EYS: variants seen among roughly 807,000 people sequenced by gnomAD.
The protein encoded by EYS is protein eyes shut homolog.
In EYS, 250 loss-of-function variants were observed where a neutral mutation model predicts 282.1. The observed-to-expected ratio is 0.89, with a 90% CI of 0.80 to 0.98. EYS has a LOEUF of 0.98. Ranked by LOEUF, EYS falls within the 50% of genes least tolerant of loss-of-function variation. EYS has a pLI of 0.00. For missense variants in EYS, 4,016 were observed against 3,709.0 expected, an observed-to-expected ratio of 1.08 and a Z score of -2.15; for synonymous variants, 1,355 against 1,282.9, an observed-to-expected ratio of 1.06 and a Z score of -1.20.
At chr6:64,333,993 C>T (rs1770743169) in intron 29 of EYS, among the ~76,000 whole-genome samples, 1 of 152,172 alleles carries the variant, frequency 6.6e-6, no homozygotes, top group African/African-American at 2.4e-5. Context: ...AAGTGTTTAG[C>T]TATTAAGGAA....
intron 37 of EYS, among the ~76,000 whole-genome samples, chr6:63,803,727 A>G (rs1380760914): frequency 6.6e-6 from 1 of 152,190 alleles, no homozygotes; most frequent in Non-Finnish European, 1.5e-5. Flanking sequence ...AATACTGATT[A>G]TGGTCAGACA....
intron 33 of EYS, among the ~76,000 whole-genome samples, chr6:64,046,600 GAGGGAGA>G (rs945411034): frequency 3.3e-5 from 5 of 151,132 alleles, no homozygotes; most frequent in African/African-American, 9.7e-5. Flanking sequence ...TCTTTTTACT[GAGGGAGA>G]AACAGTGTCC....
intron 2 of EYS, among the ~76,000 whole-genome samples, chr6:65,512,286 A>T (rs1350212691): frequency 6.6e-6 from 1 of 151,970 alleles, no homozygotes; most frequent in African/African-American, 2.4e-5. Context: ...AGGTCAGGAG[A>T]TCGAGACCAT....
chr6:64,096,824 T>C (rs138805224), intron 31 of EYS, among the ~76,000 whole-genome samples: 87 of 152,354 alleles, frequency 5.7e-4, no homozygotes, highest in African/African-American at 1.8e-3. Flanking sequence ...GGAGGAGAGC[T>C]GCTCTGGTTT....
At chr6:64,610,545 T>C (rs1767082523) in intron 24 of EYS, among the ~76,000 whole-genome samples, 1 of 151,730 alleles carries the variant, frequency 6.6e-6, no homozygotes. Flanking sequence ...TTGGGATTAC[T>C]GACAGCCACT....
intron 12 of EYS, among the ~76,000 whole-genome samples, chr6:65,200,092 A>G (rs952735997): frequency 7.2e-5 from 11 of 152,158 alleles, no homozygotes; most frequent in Non-Finnish European, 2.9e-5. Context: ...AAAGACAGGA[A>G]AGAATTGTGA....
At chr6:64,525,922 C>T (rs1730871316) in intron 26 of EYS, among the ~76,000 whole-genome samples, 1 of 151,668 alleles carries the variant, frequency 6.6e-6, no homozygotes, top group African/African-American at 2.4e-5. Context: ...TGTACACAAT[C>T]TTTATGGTAG....
intron 22 of EYS, among the ~76,000 whole-genome samples, chr6:64,654,923 G>A (rs1768693441): frequency 6.6e-6 from 1 of 152,028 alleles, no homozygotes; most frequent in African/African-American, 2.4e-5. Flanking sequence ...TAATCATCCC[G>A]GACCACAGGA....
intron 22 of EYS, among the ~76,000 whole-genome samples, chr6:64,703,425 A>ATTTTTT (rs1562144141): frequency 5.3e-4 from 11 of 20,736 alleles, no homozygotes; most frequent in Non-Finnish European, 9.1e-4. Context: ...ATATATATAT[A>ATTTTTT]TATATTTTTT....
At chr6:65,099,393 G>T (rs768068030) in intron 12 of EYS, among the ~76,000 whole-genome samples, 3 of 150,560 alleles carry the variant, frequency 2.0e-5, no homozygotes, top group Admixed American at 1.3e-4. Context: ...TAAACAGCAG[G>T]GAGTAAGAAA....
intron 6 of EYS, among the ~76,000 whole-genome samples, chr6:65,404,181 C>A (rs558248342): frequency 6.6e-6 from 1 of 152,088 alleles, no homozygotes; most frequent in East Asian, 1.9e-4. Flanking sequence ...ATCTTTAAAA[C>A]CAGCCTCATT....
At chr6:63,741,310 C>A (rs1419525797) in intron 41 of EYS, among the ~76,000 whole-genome samples, 2 of 151,886 alleles carry the variant, frequency 1.3e-5, no homozygotes, top group African/African-American at 4.8e-5. Flanking sequence ...CTGGCCAATA[C>A]CATCTAGTAA....
chr6:65,051,570 T>G (rs889758067), intron 13 of EYS, among the ~76,000 whole-genome samples: 1 of 151,592 alleles, frequency 6.6e-6, no homozygotes, highest in Non-Finnish European at 1.5e-5. Flanking sequence ...CAAAATCTAA[T>G]CTGTAAGTAA....
intron 2 of EYS, among the ~76,000 whole-genome samples, chr6:65,639,531 C>A (rs1767208137): frequency 6.6e-6 from 1 of 151,990 alleles, no homozygotes; most frequent in Admixed American, 6.6e-5. Context: ...AATGTGAAAA[C>A]CCATAGAATT....
chr6:64,468,827 A>G (rs1196224240), intron 26 of EYS, among the ~76,000 whole-genome samples: 1 of 152,172 alleles, frequency 6.6e-6, no homozygotes, highest in Non-Finnish European at 1.5e-5. Context: ...GCTGTAAAGG[A>G]CATTACCTCA....
chr6:64,267,674 G>C (rs747361525), intron 30 of EYS, among the ~76,000 whole-genome samples: 8 of 151,926 alleles, frequency 5.3e-5, no homozygotes, highest in Non-Finnish European at 1.0e-4. Flanking sequence ...TAATAAATTT[G>C]ACTAAATAAA....
rs181625352 is a variant in EYS at position 65,409,511 on chromosome 6, C to T, written c.863-4144G>A. ...AAACAAATTTTACTCTTTTACTCCT[C>T]TTACCTTGAGTAAGGCTTTGGACAA... is the stretch of plus-strand genomic sequence containing the variant. On this transcript the variant is annotated intron_variant, in intron 5 of 42. Transcript: ENST00000503581. Among the ~76,000 whole-genome samples, 279 of 152,290 alleles carry T rather than the reference C, an allele frequency of 1.8e-3. 1 individual carries two copies. Among genetic ancestry groups the T allele is most frequent in the African/African-American group, 6.3e-3 (264 of 41,582 alleles).
chr6:65,013,465 A>G lies in EYS; in HGVS notation c.2138-15762T>C, dbSNP rs185249448. ...TCAAATAGGCAAGTAAATCGGTGCA[A>G]TAAGTGGTAAACATGATCAATTTCC... On this transcript the variant is annotated intron_variant, in intron 13 of 42. Coordinates refer to ENST00000503581, the MANE Select transcript of EYS (RefSeq NM_001142800.2). Among the ~76,000 whole-genome samples, 10 of 152,300 alleles carry G rather than the reference A, an allele frequency of 6.6e-5. No individual in the cohort carries two copies. The East Asian group carries it at 1.2e-3, about 18-fold the overall frequency.
chr6:64,153,353 C>T (rs2150295930), intron 31 of EYS, among the ~76,000 whole-genome samples: 1 of 152,170 alleles, frequency 6.6e-6, no homozygotes, highest in Non-Finnish European at 1.5e-5. Flanking sequence ...GTCTTTGAAA[C>T]ACAAAGAAAG....
Sources: allele counts gnomAD v4.1 joint callset (sites outside exome capture counted in the v4.1 genomes callset), GRCh38; gene constraint gnomAD v4.1.1; transcripts MANE v1.5; gene names NCBI Gene and HGNC (gene_info 2026-07-23, HGNC 2026-07-21).